The following GYPB variants were observed in gnomAD, a reference collection of about 807,000 sequenced individuals.
GYPB encodes the protein glycophorin B (MNS blood group).
Under a neutral mutation model 15.3 loss-of-function variants are expected in GYPB, and 13 were observed. The ratio of observed to expected loss-of-function variants is 0.85; its 90% CI spans 0.55 to 1.35. GYPB has a LOEUF of 1.35. Among genes scored for constraint, GYPB ranks in the 40% most tolerant of loss-of-function variants. The pLI is 0.00. For missense variants in GYPB, 131 were observed against 108.3 expected, an observed-to-expected ratio of 1.21 and a Z score of -0.93; for synonymous variants, 38 against 36.9, an observed-to-expected ratio of 1.03 and a Z score of -0.11.
intron 3 of GYPB, among the ~76,000 whole-genome samples, chr4:143,998,818 G>C (rs1196325784): frequency 6.9e-6 from 1 of 145,746 alleles, no homozygotes; most frequent in Non-Finnish European, 1.5e-5. Context: ...CTCAGGGTTG[G>C]TTAGAAAGGT....
At chr4:144,003,094 G>C (rs116158479) in intron 1 of GYPB, among the ~76,000 whole-genome samples, 2 of 151,128 alleles carry the variant, frequency 1.3e-5, no homozygotes, top group Non-Finnish European at 2.9e-5. Flanking sequence ...ACAAATTTTA[G>C]GATTAAAATT....
In GYPB at chr4:143,999,428, T is replaced by C. The variant is rs1270712281; in HGVS notation, c.158A>G (p.His53Arg). ...TAACATACCTGGTACAGTGAAACGA[T>C]GGACAAGTTGTCCCGTTTCTCCTAT... ...QTNGETGQLV[H>R]RFTVPAPVVI... Residue 53 changes from histidine to arginine, a missense_variant, in exon 3 of 5, where the codon CAT becomes CGT. By Grantham distance (29) the His-to-Arg change is conservative. Transcript: ENST00000502664. The C allele has an allele frequency of 1.3e-6, 2 of 1,544,220 alleles. No individual in the cohort carries two copies. Among genetic ancestry groups the C allele is most frequent in the Admixed American group, 1.7e-5 (1 of 59,122 alleles).
At chr4:144,002,213 T>C (rs985811524) in intron 1 of GYPB, among the ~76,000 whole-genome samples, 5 of 151,390 alleles carry the variant, frequency 3.3e-5, no homozygotes, top group African/African-American at 1.2e-4. Context: ...GCACAAAGTA[T>C]AATATAAAAT....
chr4:143,996,144 A>G lies in GYPB; in HGVS notation c.*155T>C. 6.8e-7 allele frequency: 1 copy of G among 1,478,584 alleles called. No individual in the cohort carries two copies. The highest frequency in any genetic ancestry group is 9.0e-7 in the Non-Finnish European group (1 of 1,105,820). The allele number at this position is 1,478,584 out of a possible 1,614,324, so 91.6% of individuals were successfully genotyped here. Reference sequence around the variant, plus strand: ...GTTTTATTTTTATTTAGAAGTAGAGAATACAGTAATAGTGAGGCAGGAGAA... The same window carrying G: ...GTTTTATTTTTATTTAGAAGTAGAGGATACAGTAATAGTGAGGCAGGAGAA... On this transcript the variant is annotated 3_prime_UTR_variant, in exon 5 of 5. Transcript: ENST00000502664.
chr4:143,997,828 T>C (rs1377180096), intron 3 of GYPB, among the ~76,000 whole-genome samples, 194 bp from the exon 4 acceptor site: 1 of 151,396 alleles, frequency 6.6e-6, no homozygotes, highest in Admixed American at 6.6e-5. Context: ...GGACTGTGAG[T>C]GATCAAGTCT....
chr4:144,003,773 G>T (rs1270049337), intron 1 of GYPB, among the ~76,000 whole-genome samples: 1 of 151,260 alleles, frequency 6.6e-6, no homozygotes, highest in African/African-American at 2.5e-5. Context: ...TGGAAATTTT[G>T]TACCGAAATG....
intron 1 of GYPB, among the ~76,000 whole-genome samples, chr4:144,014,997 A>T (rs1446301573): frequency 6.6e-6 from 1 of 151,454 alleles, no homozygotes; most frequent in Non-Finnish European, 1.5e-5. Context: ...GAAAGATGAC[A>T]TCATTTTTCC....
intron 3 of GYPB, among the ~76,000 whole-genome samples, chr4:143,999,052 A>G (rs543541510): frequency 6.6e-6 from 1 of 151,162 alleles, no homozygotes; most frequent in Non-Finnish European, 1.5e-5. Flanking sequence ...TTGAGACTAC[A>G]GGTGCATGCC....
Position 143,996,260 on chromosome 4 carries a change from C to T in GYPB, c.*39G>A, listed in dbSNP as rs377010961. On this transcript the variant is annotated 3_prime_UTR_variant, in exon 5 of 5. Coordinates refer to ENST00000502664, the MANE Select transcript of GYPB (RefSeq NM_002100.6). Reference sequence around the variant, plus strand: ...TAAACAAGAGAACAGCAGGTGCAGCCGGTTCTAGGCAAGATCAGGCAGCAT... The same window carrying T: ...TAAACAAGAGAACAGCAGGTGCAGCTGGTTCTAGGCAAGATCAGGCAGCAT... 144 of 1,550,452 alleles carry T rather than the reference C, an allele frequency of 9.3e-5. No homozygotes were observed. The highest frequency in any genetic ancestry group is 1.2e-4 in the African/African-American group (9 of 72,016).
chr4:144,015,876 G>A (rs919249819), intron 1 of GYPB, among the ~76,000 whole-genome samples: 3 of 150,996 alleles, frequency 2.0e-5, no homozygotes, highest in African/African-American at 7.4e-5. Context: ...AATAGACACA[G>A]GAAAACTGAG....
chr4:144,015,156 A>G (rs1482561835), intron 1 of GYPB, among the ~76,000 whole-genome samples: 2 of 151,528 alleles, frequency 1.3e-5, no homozygotes, highest in Non-Finnish European at 2.9e-5. Context: ...TTTTTAAAAT[A>G]TATTAAAACT....
chr4:144,004,117 T>C (rs1459086277), intron 1 of GYPB, among the ~76,000 whole-genome samples: 2 of 151,792 alleles, frequency 1.3e-5, no homozygotes, highest in East Asian at 1.9e-4. Context: ...TTGCCACTTA[T>C]GTTCTTAGAA....
In GYPB at chr4:144,000,715, C is replaced by T. The variant is rs1453634698; in HGVS notation, c.136+470G>A. On this transcript the variant is annotated intron_variant, in intron 2 of 4. Coordinates refer to ENST00000502664, the MANE Select transcript of GYPB (RefSeq NM_002100.6). Reference sequence around the variant, plus strand: ...AGGCTCTGAGCTAATAACTTTTAGACACTTCTTCTTATTTAGCCTTTAGAG... The same window carrying T: ...AGGCTCTGAGCTAATAACTTTTAGATACTTCTTCTTATTTAGCCTTTAGAG... Among the ~76,000 whole-genome samples, 8 of 151,148 alleles carry T rather than the reference C, an allele frequency of 5.3e-5. 1 individual carries two copies. Among genetic ancestry groups the T allele is most frequent in the African/African-American group, 4.9e-5 (2 of 40,562 alleles).
intron 1 of GYPB, among the ~76,000 whole-genome samples, chr4:144,001,886 A>G (rs1353096584): frequency 2.1e-5 from 3 of 146,340 alleles, no homozygotes; most frequent in African/African-American, 7.7e-5. Context: ...ATTACATTGC[A>G]TGAACCCAGG....
chr4:143,995,260 C>T (rs78036976), downstream of GYPB, among the ~76,000 whole-genome samples: 2 of 151,496 alleles, frequency 1.3e-5, 1 homozygote, highest in African/African-American at 4.9e-5. Context: ...AAAGCAGTCA[C>T]CTGGAGAGGT....
At chr4:144,018,065 T>G (rs1728597119) in intron 1 of GYPB, among the ~76,000 whole-genome samples, 1 of 151,378 alleles carries the variant, frequency 6.6e-6, no homozygotes, top group Non-Finnish European at 1.5e-5. Context: ...TTATTAATCA[T>G]GATAGTTAAT....
intron 1 of GYPB, among the ~76,000 whole-genome samples, chr4:144,003,245 G>A (rs2013452): frequency 0.073 from 11,019 of 151,288 alleles, 1,439 homozygotes; most frequent in African/African-American, 0.21. Flanking sequence ...AGGGTTTGAA[G>A]CAGTTTTTTA....
In GYPB at chr4:143,997,605, A is replaced by G. The variant is rs369961385; in HGVS notation, c.205T>C (p.Cys69Arg). The change falls in exon 4 of 5, where the codon TGT (cysteine) becomes CGT (arginine). Residue 69 changes from cysteine to arginine, a missense_variant. Transcript: ENST00000502664. ...GTTCCAATAATACCAGCCATCACAC[A>G]CAAAATAATGAGTATTATCACTACA... Reference protein sequence around the residue: ...APVVIILIILCVMAGIIGTIL... With the variant: ...APVVIILIILRVMAGIIGTIL... 6.3e-7 allele frequency: 1 copy of G among 1,592,740 alleles called. No individual in the cohort carries two copies. Among genetic ancestry groups the G allele is most frequent in the Non-Finnish European group, 8.6e-7 (1 of 1,162,852 alleles).
chr4:144,018,640 A>G (rs1356361882), intron 1 of GYPB, among the ~76,000 whole-genome samples: 1 of 151,482 alleles, frequency 6.6e-6, no homozygotes. Context: ...TTGAATTAAT[A>G]CAATTTAATA....
Sources: allele counts gnomAD v4.1 joint callset (sites outside exome capture counted in the v4.1 genomes callset), GRCh38; gene constraint gnomAD v4.1.1; transcripts MANE v1.5; gene names NCBI Gene and HGNC (gene_info 2026-07-23, HGNC 2026-07-21).